The following MAOB variants were observed in gnomAD, a reference collection of about 807,000 sequenced individuals.
MAOB encodes monoamine oxidase B.
Under a neutral mutation model 41.9 loss-of-function variants are expected in MAOB, and 15 were observed. That is an observed-to-expected ratio of 0.36 (90% CI 0.24 to 0.55). MAOB has a LOEUF of 0.55. Ranked by LOEUF, MAOB falls within the 20% of genes least tolerant of loss-of-function variation. The pLI is 0.86. For synonymous variants in MAOB, 167 were observed against 144.2 expected (o/e 1.16, Z -1.13); for missense variants, 345 against 398.7 (o/e 0.87, Z 1.15).
rs183400458 is a variant in MAOB at position 43,769,266 on chromosome X, G to A, written c.1347+41C>T. The A allele has an allele frequency of 1.8e-4, 207 of 1,143,424 alleles. 1 individual carries two copies. The African/African-American group carries it at 3.5e-3, about 19-fold the overall frequency. The allele number at this position is 1,143,424 out of a possible 1,213,427, so 94.2% of individuals were successfully genotyped here. A position where few individuals can be genotyped will look rare whatever the true frequency, so the allele number is the denominator to read the frequency against. ...TCTTTGACCTACATGTCAGGACCAT[G>A]AGTTGCCTCCTTCCCCATAATCTAT... is the stretch of plus-strand genomic sequence containing the variant. On this transcript the variant is annotated intron_variant, in intron 13 of 14. Coordinates refer to ENST00000378069, the MANE Select transcript of MAOB (RefSeq NM_000898.5).
intron 3 of MAOB, among the ~76,000 whole-genome samples, chrX:43,816,295 T>C (rs1475129876): frequency 9.0e-6 from 1 of 111,711 alleles, no homozygotes; most frequent in African/African-American, 3.3e-5. Context: ...ATTTTGAAAA[T>C]TCATCAGCTG....
At chrX:43,871,867 G>C (rs2035410221) in intron 1 of MAOB, among the ~76,000 whole-genome samples, 1 of 110,518 alleles carries the variant, frequency 9.0e-6, no homozygotes, top group South Asian at 3.9e-4. Context: ...TTCTGAAACA[G>C]TCGACTATAT....
At chrX:43,866,858 A>AGTT (rs1158642351) in intron 1 of MAOB, among the ~76,000 whole-genome samples, 6 of 112,728 alleles carry the variant, frequency 5.3e-5, no homozygotes, top group Non-Finnish European at 1.1e-4. Flanking sequence ...GCATGGAGAC[A>AGTT]GTTAAGTGGT....
chrX:43,803,536 G>A (rs2034624752), intron 3 of MAOB, 132 bp from the exon 4 acceptor site: 1 of 902,168 alleles, frequency 1.1e-6, no homozygotes, highest in South Asian at 3.6e-5. Context: ...CAACTTTTTA[G>A]CTCCTTGTGT....
At chrX:43,827,526 A>T (rs989112148) in intron 3 of MAOB, among the ~76,000 whole-genome samples, 2 of 111,228 alleles carry the variant, frequency 1.8e-5, no homozygotes, top group Non-Finnish European at 3.8e-5. Context: ...CAAAAGTGGA[A>T]CCCACCAGTT....
intron 12 of MAOB, among the ~76,000 whole-genome samples, chrX:43,774,595 G>C (rs1160240673): frequency 8.9e-6 from 1 of 111,951 alleles, no homozygotes; most frequent in African/African-American, 3.2e-5. Flanking sequence ...GCATGACAAA[G>C]TTTGTTATTG....
chrX:43,854,501 G>A (rs1464760525), intron 1 of MAOB, among the ~76,000 whole-genome samples: 2 of 111,008 alleles, frequency 1.8e-5, no homozygotes, highest in Non-Finnish European at 3.8e-5. Context: ...ATCACACACC[G>A]GGGCCTGTAA....
intron 8 of MAOB, among the ~76,000 whole-genome samples, chrX:43,782,059 T>C (rs2034340277): frequency 9.0e-6 from 1 of 111,210 alleles, no homozygotes; most frequent in African/African-American, 3.3e-5. Flanking sequence ...ATCAACACCC[T>C]AACATCACAA....
At chrX:43,853,292 AAAG>A (rs2035265903) in intron 1 of MAOB, among the ~76,000 whole-genome samples, 1 of 106,514 alleles carries the variant, frequency 9.4e-6, no homozygotes, top group Admixed American at 1.0e-4. Context: ...AAAAAAAAGA[AAAG>A]AAAACGATGA....
rs185248765 is a variant in MAOB, at chrX:43,790,511, T to C, written c.928+2908A>G. Among the ~76,000 whole-genome samples, 493 of 112,035 alleles carry C rather than the reference T, an allele frequency of 4.4e-3. 5 individuals are homozygous for C. Among genetic ancestry groups the C allele is most frequent in the Non-Finnish European group, 6.3e-3 (335 of 53,204 alleles). On this transcript the variant is annotated intron_variant, in intron 8 of 14. Transcript: ENST00000378069. ...TGTCTGGCATACAATAGGCGCCCAG[T>C]TGAAGAAATACATTAAAGTTGTAAC...
At chrX:43,831,956 C>A (rs2035024144) in intron 3 of MAOB, among the ~76,000 whole-genome samples, 1 of 111,705 alleles carries the variant, frequency 9.0e-6, no homozygotes, top group Non-Finnish European at 1.9e-5. Context: ...TTTTTAATAA[C>A]ATGTACATAA....
chrX:43,867,385 C>T (rs182172353), intron 1 of MAOB, among the ~76,000 whole-genome samples: 1 of 111,678 alleles, frequency 9.0e-6, no homozygotes, highest in East Asian at 2.8e-4. Context: ...AATACATAGC[C>T]CAAGAAACTA....
chrX:43,869,326 T>G (rs2035386141), intron 1 of MAOB, among the ~76,000 whole-genome samples: 1 of 111,863 alleles, frequency 8.9e-6, no homozygotes, highest in African/African-American at 3.2e-5. Flanking sequence ...GCTTTTCTAA[T>G]CATCTTCAAG....
At chrX:43,769,509 A>G in intron 12 of MAOB, 91 bp from the exon 13 acceptor site, 2 of 1,076,520 alleles carry the variant, frequency 1.9e-6, no homozygotes, top group Non-Finnish European at 2.4e-6. Context: ...CAGCTTCCAC[A>G]GATTCTAAAC....
chrX:43,881,355 C>G (rs950982437), intron 1 of MAOB, among the ~76,000 whole-genome samples: 4 of 113,265 alleles, frequency 3.5e-5, no homozygotes, highest in African/African-American at 1.3e-4. Flanking sequence ...GTCCTAATTA[C>G]TGCTCAAGTA....
At chrX:43,809,369 G>A (rs2034713431) in intron 3 of MAOB, among the ~76,000 whole-genome samples, 1 of 112,456 alleles carries the variant, frequency 8.9e-6, no homozygotes, top group Non-Finnish European at 1.9e-5. Context: ...GTAAATGTGT[G>A]AGTAAATGGG....
At chrX:43,803,696 G>A (rs1181049340) in intron 3 of MAOB, among the ~76,000 whole-genome samples, 1 of 111,942 alleles carries the variant, frequency 8.9e-6, no homozygotes, top group African/African-American at 3.2e-5. Flanking sequence ...TACATAAGTG[G>A]AGTTAACCTA....
At chrX:43,804,234 C>T (rs1334959880) in intron 3 of MAOB, among the ~76,000 whole-genome samples, 2 of 111,459 alleles carry the variant, frequency 1.8e-5, no homozygotes, top group Non-Finnish European at 1.9e-5. Context: ...TTCCCCAAAA[C>T]TCTGAGTCAT....
intron 3 of MAOB, among the ~76,000 whole-genome samples, chrX:43,821,107 C>T (rs1457062464): frequency 9.0e-6 from 1 of 111,639 alleles, no homozygotes; most frequent in Non-Finnish European, 1.9e-5. Flanking sequence ...ACCACAAAGC[C>T]CCTTTCTACA....
Sources: allele counts gnomAD v4.1 joint callset (sites outside exome capture counted in the v4.1 genomes callset), GRCh38; gene constraint gnomAD v4.1.1; transcripts MANE v1.5; gene names NCBI Gene and HGNC (gene_info 2026-07-23, HGNC 2026-07-21).